Variants in NDUFAF2 observed in about 807,000 individuals in gnomAD.
The protein encoded by NDUFAF2 is NADH dehydrogenase [ubiquinone] 1 alpha subcomplex assembly factor 2.
NDUFAF2 carries 13 observed loss-of-function variants against 22.8 expected under a neutral mutation model. That is an observed-to-expected ratio of 0.57 (90% CI 0.37 to 0.91). The LOEUF (loss-of-function observed/expected upper bound fraction) is 0.91. Among genes scored for constraint, NDUFAF2 ranks in the 40% least tolerant of loss-of-function variants. The pLI is 0.01. For missense variants in NDUFAF2, 162 were observed against 195.2 expected (o/e 0.83, Z 1.01); for synonymous variants, 53 against 64.2 (o/e 0.83, Z 0.84).
At chr5:61,020,441 A>G (rs1018913156) in intron 1 of NDUFAF2, among the ~76,000 whole-genome samples, 3 of 152,110 alleles carry the variant, frequency 2.0e-5, no homozygotes, top group African/African-American at 7.2e-5. Context: ...ATCTCTGAAT[A>G]TTTGATACAT....
At chr5:61,044,597 G>A (rs552577638) in intron 1 of NDUFAF2, among the ~76,000 whole-genome samples, 6 of 152,170 alleles carry the variant, frequency 3.9e-5, no homozygotes, top group Admixed American at 3.9e-4. Context: ...TTTCCCCATT[G>A]TGGATTTTTG....
intron 2 of NDUFAF2, among the ~76,000 whole-genome samples, chr5:61,076,896 A>G (rs183183552): frequency 6.6e-6 from 1 of 152,302 alleles, no homozygotes; most frequent in Admixed American, 6.5e-5. Context: ...GACCAACAGG[A>G]TTTGATGACA....
chr5:60,997,327 C>T (rs541090766), intron 1 of NDUFAF2, among the ~76,000 whole-genome samples: 1 of 152,254 alleles, frequency 6.6e-6, no homozygotes, highest in Admixed American at 6.5e-5. Flanking sequence ...ATTCTTACAA[C>T]TGTATATGAC....
intron 1 of NDUFAF2, among the ~76,000 whole-genome samples, chr5:61,051,605 T>C (rs1411390776): frequency 6.6e-6 from 1 of 152,180 alleles, no homozygotes; most frequent in African/African-American, 2.4e-5. Flanking sequence ...TAGGCATTAG[T>C]ATAAACACTA....
rs191599226 is a variant in NDUFAF2 at position 61,150,994 on chromosome 5, G to T, written c.259-1710G>T. On this transcript the variant is annotated intron_variant, in intron 3 of 3. Transcript: ENST00000296597. ...CTGTGGTGATTAAACTACTCATGGGGAATTGCTATGTGTTGTGAAAATTAC... is the reference window on the plus strand; with the variant it reads ...CTGTGGTGATTAAACTACTCATGGGTAATTGCTATGTGTTGTGAAAATTAC... 1.4e-3 allele frequency among the ~76,000 whole-genome samples: 219 copies of T among 152,194 alleles called. 2 individuals carry two copies. Among genetic ancestry groups the T allele is most frequent in the African/African-American group, 5.1e-3 (212 of 41,516 alleles).
At chr5:61,066,603 CA>C (rs35212229) in intron 1 of NDUFAF2, among the ~76,000 whole-genome samples, 123,620 of 151,808 alleles carry the variant, frequency 0.81, 50,871 homozygotes, top group East Asian at 1. Context: ...AATTTTTGAT[CA>C]AAAAAAATTT....
chr5:61,022,556 C>G (rs923524195), intron 1 of NDUFAF2, among the ~76,000 whole-genome samples: 3 of 152,146 alleles, frequency 2.0e-5, no homozygotes, highest in Admixed American at 6.5e-5. Flanking sequence ...ATTATCTTTT[C>G]TTTGTAGATA....
intron 3 of NDUFAF2, chr5:61,146,026 T>C (rs1163469061): frequency 1.3e-5 from 2 of 152,204 alleles, no homozygotes; most frequent in Non-Finnish European, 2.9e-5. Flanking sequence ...GACAGTGGTA[T>C]AAAACATGGA....
intron 2 of NDUFAF2, among the ~76,000 whole-genome samples, chr5:61,097,052 G>A (rs574523777): frequency 2.0e-4 from 31 of 152,328 alleles, no homozygotes; most frequent in African/African-American, 7.2e-4. Context: ...CACTGGAACT[G>A]TATTGGAGAT....
At chr5:61,043,920 G>T (rs1432575947) in intron 1 of NDUFAF2, among the ~76,000 whole-genome samples, 4 of 151,958 alleles carry the variant, frequency 2.6e-5, no homozygotes, top group Non-Finnish European at 5.9e-5. Context: ...ACTTTTTGAG[G>T]AACCACCACA....
chr5:60,955,391 T>A (rs1750601912), intron 1 of NDUFAF2, among the ~76,000 whole-genome samples: 1 of 152,212 alleles, frequency 6.6e-6, no homozygotes, highest in Non-Finnish European at 1.5e-5. Context: ...TGTGGGTTTA[T>A]TACTAGGTTC....
At chr5:61,089,477 T>C (rs1752541698) in intron 2 of NDUFAF2, among the ~76,000 whole-genome samples, 1 of 152,158 alleles carries the variant, frequency 6.6e-6, no homozygotes, top group Admixed American at 6.6e-5. Flanking sequence ...TTGTTGTATG[T>C]AGTAGTTGGG....
rs10651718 is a variant in NDUFAF2, at chr5:61,070,596, T to TACACACACAC, written c.128-2506_128-2497dup. 1.4e-3 allele frequency among the ~76,000 whole-genome samples: 208 copies of TACACACACAC among 148,070 alleles called. 1 individual carries two copies. The highest frequency in any genetic ancestry group is 4.0e-3 in the East Asian group (20 of 5,038). ...ATTAATTACTCTTCCTGTCTTTGCA[T>TACACACACAC]ACACACACACACACACACACACACA... On this transcript the variant is annotated intron_variant, in intron 1 of 3. Coordinates refer to ENST00000296597, the MANE Select transcript of NDUFAF2 (RefSeq NM_174889.5).
chr5:61,012,106 T>G (rs1751449747), intron 1 of NDUFAF2, among the ~76,000 whole-genome samples: 1 of 152,210 alleles, frequency 6.6e-6, no homozygotes, highest in Admixed American at 6.6e-5. Flanking sequence ...TTTGTTTTGT[T>G]TTGTTTTTTA....
intron 3 of NDUFAF2, among the ~76,000 whole-genome samples, chr5:61,104,559 G>A (rs1319400056): frequency 6.6e-6 from 1 of 152,080 alleles, no homozygotes; most frequent in Non-Finnish European, 1.5e-5. Flanking sequence ...CTAAAAAAAG[G>A]TTGGGATGGC....
chr5:61,106,641 TTCTA>T (rs1461020885), intron 3 of NDUFAF2, among the ~76,000 whole-genome samples: 1 of 151,212 alleles, frequency 6.6e-6, no homozygotes, highest in Non-Finnish European at 1.5e-5. Flanking sequence ...ATTTTATTCA[TTCTA>T]TCTAATTATA....
At chr5:61,064,845 C>CA (rs1436855795) in intron 1 of NDUFAF2, among the ~76,000 whole-genome samples, 7 of 150,878 alleles carry the variant, frequency 4.6e-5, no homozygotes, top group Non-Finnish European at 8.9e-5. Flanking sequence ...AACTAAACCC[C>CA]AAAAAAGCAG....
At chr5:61,003,860 T>G in intron 1 of NDUFAF2, among the ~76,000 whole-genome samples, 1 of 151,780 alleles carries the variant, frequency 6.6e-6, no homozygotes, top group Non-Finnish European at 1.5e-5. Flanking sequence ...GAGATTGAGG[T>G]CTTACTCTGT....
intron 1 of NDUFAF2, among the ~76,000 whole-genome samples, chr5:61,071,087 G>T (rs1752292938): frequency 6.6e-6 from 1 of 152,114 alleles, no homozygotes; most frequent in Admixed American, 6.6e-5. Flanking sequence ...ATTTATATAT[G>T]TGAATGTAAA....
Sources: allele counts gnomAD v4.1 joint callset (sites outside exome capture counted in the v4.1 genomes callset), GRCh38; gene constraint gnomAD v4.1.1; transcripts MANE v1.5; gene names NCBI Gene and HGNC (gene_info 2026-07-23, HGNC 2026-07-21).